The following ST18 variants were observed in gnomAD, a reference collection of about 807,000 sequenced individuals.
ST18 encodes the protein suppression of tumorigenicity 18 protein.
In ST18, 50 loss-of-function variants were observed where a neutral mutation model predicts 110.0. That is an observed-to-expected ratio of 0.45 (90% CI 0.36 to 0.58). The LOEUF (loss-of-function observed/expected upper bound fraction) is 0.58, where lower values mean the gene tolerates loss of function less well. Among genes scored for constraint, ST18 ranks in the 20% least tolerant of loss-of-function variants. The pLI, the probability that ST18 is intolerant of heterozygous loss-of-function variation, is 0.00. For missense variants in ST18, 1,306 were observed against 1,280.1 expected, an observed-to-expected ratio of 1.02 and a Z score of -0.31; for synonymous variants, 461 against 452.4, an observed-to-expected ratio of 1.02 and a Z score of -0.24.
chr8:52,265,196 T>G (rs2094827647), intron 2 of ST18, among the ~76,000 whole-genome samples: 1 of 152,090 alleles, frequency 6.6e-6, no homozygotes, highest in Admixed American at 6.5e-5. Flanking sequence ...GCCGAAGCCC[T>G]AAGGAGATAG....
chr8:52,118,261 G>A (rs528784502), intron 24 of ST18, 77 bp downstream of exon 24: 3 of 966,542 alleles, frequency 3.1e-6, no homozygotes, highest in Middle Eastern at 3.1e-4. Context: ...TTTCACACAA[G>A]TTTTAAAATT....
intron 2 of ST18, among the ~76,000 whole-genome samples, chr8:52,238,984 C>A (rs1589120892): frequency 6.6e-6 from 1 of 152,032 alleles, no homozygotes; most frequent in South Asian, 2.1e-4. Context: ...AACAAAACTG[C>A]ACTTGTACCC....
At chr8:52,383,785 G>GT (rs1326152296) in intron 2 of ST18, among the ~76,000 whole-genome samples, 2 of 146,724 alleles carry the variant, frequency 1.4e-5, no homozygotes, top group Non-Finnish European at 3.0e-5. Context: ...ATCTCAGTTT[G>GT]TTGCCCAGGC....
At chr8:52,270,311 C>T (rs946072845) in intron 2 of ST18, among the ~76,000 whole-genome samples, 1 of 152,120 alleles carries the variant, frequency 6.6e-6, no homozygotes, top group Non-Finnish European at 1.5e-5. Flanking sequence ...AATGTTTGCT[C>T]TGTGATAAGC....
intron 2 of ST18, chr8:52,406,601 T>C (rs1280701921): frequency 1.3e-5 from 2 of 152,284 alleles, no homozygotes; most frequent in African/African-American, 4.8e-5. Flanking sequence ...AAATGAGAGC[T>C]TGACAAAGGG....
At chr8:52,149,683 C>G (rs2058287486) in intron 16 of ST18, 49 bp downstream of exon 16, 1 of 1,580,022 alleles carries the variant, frequency 6.3e-7, no homozygotes, top group Non-Finnish European at 8.6e-7. Context: ...TAGTGATACC[C>G]TGCAATCATG....
chr8:52,185,642 C>A (rs536208881), intron 8 of ST18, among the ~76,000 whole-genome samples: 1 of 152,098 alleles, frequency 6.6e-6, no homozygotes, highest in Non-Finnish European at 1.5e-5. Context: ...CACACATACA[C>A]GGTCAACTGA....
intron 2 of ST18, among the ~76,000 whole-genome samples, chr8:52,383,403 C>T (rs2140877430): frequency 6.6e-6 from 1 of 151,950 alleles, no homozygotes; most frequent in Non-Finnish European, 1.5e-5. Context: ...GGGTGGTAGC[C>T]CTCACCTTGA....
chr8:52,220,000 A>G (rs1425209204), intron 5 of ST18, among the ~76,000 whole-genome samples: 1 of 152,164 alleles, frequency 6.6e-6, no homozygotes, highest in African/African-American at 2.4e-5. Context: ...TAGGTAACCA[A>G]TTTGTGCCAG....
intron 15 of ST18, among the ~76,000 whole-genome samples, chr8:52,155,499 G>C (rs2059803105): frequency 6.6e-6 from 1 of 152,178 alleles, no homozygotes; most frequent in African/African-American, 2.4e-5. Context: ...CTTCAGGCTG[G>C]GGTGTGATGG....
chr8:52,318,242 C>G (rs956202338), intron 2 of ST18, among the ~76,000 whole-genome samples: 1 of 152,006 alleles, frequency 6.6e-6, no homozygotes, highest in Admixed American at 6.6e-5. Flanking sequence ...GGGCAAAGGA[C>G]GTGAACAGAC....
chr8:52,129,533 T>C (rs1286249810), intron 22 of ST18, among the ~76,000 whole-genome samples: 2 of 151,288 alleles, frequency 1.3e-5, no homozygotes, highest in Non-Finnish European at 2.9e-5. Flanking sequence ...ATACCCCACA[T>C]TAACTACAGT....
At chr8:52,380,526 A>G (rs977749288) in intron 2 of ST18, among the ~76,000 whole-genome samples, 2 of 152,136 alleles carry the variant, frequency 1.3e-5, no homozygotes, top group Admixed American at 6.5e-5. Flanking sequence ...TGTTGCATTG[A>G]TCCACAGAGA....
At chr8:52,352,484 C>T (rs1047944095) in intron 2 of ST18, among the ~76,000 whole-genome samples, 5 of 152,150 alleles carry the variant, frequency 3.3e-5, no homozygotes, top group African/African-American at 9.7e-5. Context: ...CCCCAGAATC[C>T]ATGTGTGCAT....
Position 52,329,765 on chromosome 8 carries a change from A to C in ST18, c.-465+79563T>G, listed in dbSNP as rs190546183. 4.7e-4 allele frequency among the ~76,000 whole-genome samples: 72 copies of C among 152,292 alleles called. 2 individuals carry two copies. In the East Asian group the frequency reaches 0.014, roughly 29 times the overall value. On this transcript the variant is annotated intron_variant, in intron 2 of 25. Transcript: ENST00000689386. Reference sequence around the variant, plus strand: ...CACAGAGCGAGGCTCTGTCTAAAAAAAAAGAAAGAAACAAAAAAAGAAAAG... The same window carrying C: ...CACAGAGCGAGGCTCTGTCTAAAAACAAAGAAAGAAACAAAAAAAGAAAAG...
intron 2 of ST18, among the ~76,000 whole-genome samples, chr8:52,278,136 C>T (rs1406258153): frequency 6.6e-6 from 1 of 152,168 alleles, no homozygotes; most frequent in Non-Finnish European, 1.5e-5. Context: ...TTATCTTGAG[C>T]TGGATGCTGT....
intron 8 of ST18, among the ~76,000 whole-genome samples, chr8:52,196,862 G>A (rs1346526737): frequency 1.3e-5 from 2 of 152,110 alleles, no homozygotes; most frequent in African/African-American, 4.8e-5. Context: ...CTGGAGGTAA[G>A]GGCTATTTGC....
At chr8:52,324,980 A>G (rs1307143288) in intron 2 of ST18, among the ~76,000 whole-genome samples, 2 of 152,252 alleles carry the variant, frequency 1.3e-5, no homozygotes, top group Admixed American at 1.3e-4. Flanking sequence ...CATTTGAAAA[A>G]TGTTTTAGTA....
intron 2 of ST18, among the ~76,000 whole-genome samples, chr8:52,257,004 C>T (rs891612865): frequency 3.3e-5 from 5 of 152,118 alleles, no homozygotes; most frequent in South Asian, 2.1e-4. Context: ...GATCTATTTC[C>T]GTCTTTGTAA....
Sources: allele counts gnomAD v4.1 joint callset (sites outside exome capture counted in the v4.1 genomes callset), GRCh38; gene constraint gnomAD v4.1.1; transcripts MANE v1.5; gene names NCBI Gene and HGNC (gene_info 2026-07-23, HGNC 2026-07-21).